Variants in CDH12 observed in about 807,000 individuals in gnomAD.
CDH12 encodes cadherin-12.
Under a neutral mutation model 74.1 loss-of-function variants are expected in CDH12, and 41 were observed. The observed-to-expected ratio is 0.55, with a 90% confidence interval of 0.43 to 0.72. The LOEUF (loss-of-function observed/expected upper bound fraction) is 0.72, where lower values mean the gene tolerates loss of function less well. CDH12 is among the 30% of genes least tolerant of loss of function. The pLI is 0.00. For synonymous variants in CDH12, 399 were observed against 355.0 expected, an observed-to-expected ratio of 1.12 and a Z score of -1.39; for missense variants, 945 against 977.2, an observed-to-expected ratio of 0.97 and a Z score of 0.44.
At chr5:22,008,684 A>G (rs191203226) in intron 5 of CDH12, among the ~76,000 whole-genome samples, 364 of 152,238 alleles carry the variant, frequency 2.4e-3, no homozygotes, top group African/African-American at 8.5e-3. Context: ...TTTCCATAGA[A>G]CTTTATCTGA....
intron 3 of CDH12, among the ~76,000 whole-genome samples, chr5:22,325,909 GAAC>G (rs371346111): frequency 1.4e-4 from 21 of 151,264 alleles, no homozygotes; most frequent in East Asian, 5.9e-4. Context: ...CTCCGTCTCA[GAAC>G]AACAACAACA....
intron 1 of CDH12, among the ~76,000 whole-genome samples, chr5:22,648,148 C>A (rs1485485485): frequency 6.6e-6 from 1 of 151,750 alleles, no homozygotes; most frequent in Non-Finnish European, 1.5e-5. Flanking sequence ...AAGGCTGATG[C>A]AAGTTTTTTT....
At chr5:22,396,228 A>C (rs1424832216) in intron 3 of CDH12, among the ~76,000 whole-genome samples, 1 of 152,090 alleles carries the variant, frequency 6.6e-6, no homozygotes. Context: ...CAGTGTTTCT[A>C]GTGTACAATG....
intron 1 of CDH12, among the ~76,000 whole-genome samples, chr5:22,799,292 G>A (rs146927783): frequency 0.014 from 2,077 of 152,122 alleles, 39 homozygotes; most frequent in African/African-American, 0.044. Flanking sequence ...AATATAAAGC[G>A]TATATATCAT....
intron 3 of CDH12, among the ~76,000 whole-genome samples, chr5:22,382,393 T>A (rs548169707): frequency 1.8e-4 from 27 of 151,858 alleles, no homozygotes; most frequent in South Asian, 1.2e-3. Flanking sequence ...GTCACTTCCC[T>A]ACCAGAGGCA....
chr5:22,046,433 T>TC (rs1398117715), intron 5 of CDH12, among the ~76,000 whole-genome samples: 1 of 142,250 alleles, frequency 7.0e-6, no homozygotes, highest in Non-Finnish European at 1.5e-5. Context: ...TTAATTTCTT[T>TC]TTTTTTTTTT....
intron 4 of CDH12, among the ~76,000 whole-genome samples, chr5:22,100,524 TAA>T (rs1163654547): frequency 3.3e-5 from 5 of 152,094 alleles, no homozygotes; most frequent in Non-Finnish European, 7.4e-5. Context: ...ATTTTGATAT[TAA>T]GTTTAACTCT....
intron 2 of CDH12, among the ~76,000 whole-genome samples, chr5:22,462,371 T>A (rs1204586169): frequency 6.6e-6 from 1 of 152,168 alleles, no homozygotes; most frequent in African/African-American, 2.4e-5. Context: ...AATGCTGGGA[T>A]ATAAGGCTAG....
At position 21,751,753 on chromosome 5, in the gene CDH12, G is replaced by C; in HGVS notation, c.2369C>G (p.Pro790Arg). 1 of 1,613,332 alleles carries C rather than the reference G, an allele frequency of 6.2e-7. No homozygotes were observed. The highest frequency in any genetic ancestry group is 1.7e-5 in the Admixed American group (1 of 59,956). ...DMFGEEESYN[P>R]DKVT ...ACGACTCCCTTAAGTGACTTTATCA[G>C]GGTTATAACTCTCTTCTTCGCCAAA... The change falls in exon 15 of 15, where the codon CCT becomes CGT. Residue 790 changes from proline to arginine, a missense_variant. By Grantham distance (103) the Pro-to-Arg change is moderately radical. Coordinates refer to ENST00000382254, the MANE Select transcript of CDH12 (RefSeq NM_004061.5).
chr5:21,756,970 T>A (rs1744432965), intron 13 of CDH12, among the ~76,000 whole-genome samples: 1 of 152,110 alleles, frequency 6.6e-6, no homozygotes, highest in South Asian at 2.1e-4. Context: ...TGAATCAACA[T>A]TTAAATCTTC....
chr5:22,794,644 A>G (rs908925154), intron 1 of CDH12, among the ~76,000 whole-genome samples: 1 of 152,242 alleles, frequency 6.6e-6, no homozygotes, highest in Non-Finnish European at 1.5e-5. Context: ...ATAGATACAG[A>G]AAAACACAAA....
At chr5:22,222,684 G>A (rs1200939869) in intron 3 of CDH12, among the ~76,000 whole-genome samples, 1 of 151,342 alleles carries the variant, frequency 6.6e-6, no homozygotes, top group East Asian at 1.9e-4. Flanking sequence ...TATAATTAAA[G>A]CATACAATTT....
chr5:22,537,478 G>A (rs1209237493), intron 1 of CDH12, among the ~76,000 whole-genome samples: 1 of 152,134 alleles, frequency 6.6e-6, no homozygotes, highest in African/African-American at 2.4e-5. Flanking sequence ...AAGGGCATCA[G>A]CCTCATGGCT....
intron 1 of CDH12, among the ~76,000 whole-genome samples, chr5:22,728,029 C>T (rs182178158): frequency 6.6e-6 from 1 of 151,668 alleles, no homozygotes; most frequent in Admixed American, 6.6e-5. Context: ...ACTACTTCAC[C>T]ATTTGTTATC....
At chr5:22,472,340 T>C (rs1745994967) in intron 2 of CDH12, among the ~76,000 whole-genome samples, 1 of 152,144 alleles carries the variant, frequency 6.6e-6, no homozygotes, top group Non-Finnish European at 1.5e-5. Flanking sequence ...AGTTTTAGAA[T>C]GCCCTAAGGA....
intron 4 of CDH12, among the ~76,000 whole-genome samples, chr5:22,148,096 C>T (rs921529863): frequency 5.3e-5 from 8 of 152,230 alleles, no homozygotes; most frequent in Admixed American, 6.5e-5. Context: ...TCCTGTACAG[C>T]GCCCCTTTTC....
chr5:22,190,994 G>A (rs188440460), intron 4 of CDH12, among the ~76,000 whole-genome samples: 3 of 152,320 alleles, frequency 2.0e-5, no homozygotes, highest in Non-Finnish European at 4.4e-5. Flanking sequence ...CTGAAGTAAT[G>A]TAATAGTTTT....
intron 2 of CDH12, among the ~76,000 whole-genome samples, chr5:22,481,890 C>G (rs1746398092): frequency 6.6e-6 from 1 of 151,996 alleles, no homozygotes; most frequent in Non-Finnish European, 1.5e-5. Context: ...AAGAAAAAAA[C>G]AAAACGAGGG....
intron 3 of CDH12, among the ~76,000 whole-genome samples, chr5:22,232,625 T>A (rs986380340): frequency 4.0e-5 from 6 of 151,532 alleles, no homozygotes; most frequent in African/African-American, 1.4e-4. Context: ...CTAGACAAGA[T>A]TATTTTAATT....
Sources: allele counts gnomAD v4.1 joint callset (sites outside exome capture counted in the v4.1 genomes callset), GRCh38; gene constraint gnomAD v4.1.1; transcripts MANE v1.5; gene names NCBI Gene and HGNC (gene_info 2026-07-23, HGNC 2026-07-21).